The following PLEKHO2 variants were observed in gnomAD, a reference collection of about 807,000 sequenced individuals.
The protein encoded by PLEKHO2 is pleckstrin homology domain-containing family O member 2.
Under a neutral mutation model 32.7 loss-of-function variants are expected in PLEKHO2, and 20 were observed. The observed-to-expected ratio is 0.61, with a 90% confidence interval of 0.43 to 0.89. The LOEUF (loss-of-function observed/expected upper bound fraction) is 0.89. Ranked by LOEUF, PLEKHO2 falls within the 40% of genes least tolerant of loss-of-function variation. The pLI is 0.00. For missense variants in PLEKHO2, 568 were observed against 621.2 expected, an observed-to-expected ratio of 0.91 and a Z score of 0.91; for synonymous variants, 247 against 246.3, an observed-to-expected ratio of 1.00 and a Z score of -0.03.
chr15:64,862,447 A>G (rs1458335771), intron 5 of PLEKHO2, among the ~76,000 whole-genome samples: 1 of 150,424 alleles, frequency 6.6e-6, no homozygotes, highest in African/African-American at 2.5e-5. Context: ...GGAGACTGGG[A>G]GCATGGAGGC....
At chr15:64,842,390 C>G (rs61445702) in intron 1 of PLEKHO2, among the ~76,000 whole-genome samples, 99,024 of 145,316 alleles carry the variant, frequency 0.68, 34,112 homozygotes, top group East Asian at 0.93. Flanking sequence ...CTCTCTCTCT[C>G]TGTGTGTGTG....
At chr15:64,850,612 T>A (rs544570808) in intron 2 of PLEKHO2, among the ~76,000 whole-genome samples, 3 of 152,296 alleles carry the variant, frequency 2.0e-5, no homozygotes, top group African/African-American at 7.2e-5. Context: ...ACTTCTCATC[T>A]TTTCTTTCTC....
chr15:64,864,654 G>T (rs1206259216), intron 5 of PLEKHO2, among the ~76,000 whole-genome samples: 2 of 152,194 alleles, frequency 1.3e-5, no homozygotes, highest in Non-Finnish European at 2.9e-5. Context: ...CCCTGGCTGT[G>T]ACTTTCCTGG....
chr15:64,845,574 TGTG>T (rs2084516085), intron 1 of PLEKHO2, among the ~76,000 whole-genome samples: 1 of 152,188 alleles, frequency 6.6e-6, no homozygotes, highest in South Asian at 2.1e-4. Flanking sequence ...TGGCTGTTTC[TGTG>T]GCTGGGCTGT....
intron 2 of PLEKHO2, 57 bp downstream of exon 2, chr15:64,848,799 C>A (rs1383171459): frequency 2.5e-6 from 4 of 1,605,166 alleles, no homozygotes; most frequent in East Asian, 4.5e-5. Context: ...AAAGTGAGGG[C>A]ATTCAAGTTA....
chr15:64,846,022 C>T (rs2084519343), intron 1 of PLEKHO2, among the ~76,000 whole-genome samples: 1 of 152,166 alleles, frequency 6.6e-6, no homozygotes, highest in Admixed American at 6.5e-5. Context: ...TGGTGCTGTC[C>T]TTGCTGTTGC....
At chr15:64,846,186 A>T (rs1045238372) in intron 1 of PLEKHO2, among the ~76,000 whole-genome samples, 2 of 151,930 alleles carry the variant, frequency 1.3e-5, no homozygotes, top group Non-Finnish European at 2.9e-5. Context: ...GGGGAATGGG[A>T]GTTGAGTGCA....
chr15:64,857,376 C>T (rs1267769624), intron 3 of PLEKHO2, among the ~76,000 whole-genome samples: 1 of 152,170 alleles, frequency 6.6e-6, no homozygotes, highest in African/African-American at 2.4e-5. Context: ...CACTCTGTCA[C>T]CCAGGCTGGA....
rs1216747094 is a variant in PLEKHO2, at chr15:64,866,031, AAG to A, written c.*147_*148del. 5.4e-6 allele frequency: 6 copies of A among 1,102,832 alleles called. No homozygotes were observed. In the East Asian group the frequency reaches 1.6e-4, roughly 28 times the overall value. The allele number at this position is 1,102,832 out of a possible 1,614,324, so 68.3% of individuals were successfully genotyped here. A position where few individuals can be genotyped will look rare whatever the true frequency, so the allele number is the denominator to read the frequency against. Reference sequence around the variant, plus strand: ...CATGTCAGGGTTTGGCCATGACCCGAAGAGACTCCTGGCGTCCTTCCTACTCT... The same window carrying A: ...CATGTCAGGGTTTGGCCATGACCCGAAGACTCCTGGCGTCCTTCCTACTCT... On this transcript the variant is annotated 3_prime_UTR_variant, in exon 6 of 6. Transcript: ENST00000323544.
intron 1 of PLEKHO2, among the ~76,000 whole-genome samples, chr15:64,846,853 A>C (rs1403676163): frequency 6.6e-6 from 1 of 152,216 alleles, no homozygotes; most frequent in Admixed American, 6.5e-5. Flanking sequence ...GCCGTTTACT[A>C]GGTTTAGGGC....
chr15:64,847,511 C>A (rs560583820), intron 1 of PLEKHO2, among the ~76,000 whole-genome samples: 3 of 152,090 alleles, frequency 2.0e-5, no homozygotes, highest in Non-Finnish European at 4.4e-5. Context: ...TTTTTATTTT[C>A]ATTTCACGCG....
At chr15:64,845,384 C>T (rs1378809100) in intron 1 of PLEKHO2, among the ~76,000 whole-genome samples, 1 of 151,786 alleles carries the variant, frequency 6.6e-6, no homozygotes, top group South Asian at 2.1e-4. Flanking sequence ...GAGAGGAGGC[C>T]GAGAAACTGG....
intron 5 of PLEKHO2, among the ~76,000 whole-genome samples, chr15:64,864,009 C>T (rs947888131): frequency 1.3e-5 from 2 of 152,146 alleles, no homozygotes; most frequent in South Asian, 2.1e-4. Flanking sequence ...TCCCAAAGTG[C>T]TGGGATTATA....
At chr15:64,855,639 T>C (rs2084601697) in intron 3 of PLEKHO2, among the ~76,000 whole-genome samples, 2 of 152,158 alleles carry the variant, frequency 1.3e-5, no homozygotes, top group South Asian at 4.1e-4. Flanking sequence ...CAGATGAAGT[T>C]TGCTGTTTGC....
At chr15:64,845,233 T>TTA (rs2084514064) in intron 1 of PLEKHO2, among the ~76,000 whole-genome samples, 2 of 149,868 alleles carry the variant, frequency 1.3e-5, no homozygotes, top group South Asian at 2.1e-4. Flanking sequence ...TTTTTTTTTT[T>TTA]AATGAGTGAT....
rs768596233 is a variant in PLEKHO2 at position 64,848,598 on chromosome 15, G to A, written c.18G>A (p.Val6=). The A allele has an allele frequency of 1.2e-6, 2 of 1,614,184 alleles. No homozygotes were observed. The highest frequency in any genetic ancestry group is 8.5e-7 in the Non-Finnish European group (1 of 1,180,034). MEEEG[V]KEAGEKPRGA... is the part of the protein sequence containing the mutation. Reference sequence around the variant, plus strand: ...GAACTGGTGCTGTGTTACAGGGTGTGAAGGAAGCCGGTGAGAAGCCTCGGG... The same window carrying A: ...GAACTGGTGCTGTGTTACAGGGTGTAAAGGAAGCCGGTGAGAAGCCTCGGG... The change falls in exon 2 of 6, where the codon GTG becomes GTA. Residue 6 remains valine, a synonymous_variant. Transcript: ENST00000323544.
rs1450702027 is a variant in PLEKHO2 at position 64,855,013 on chromosome 15, C to T, written c.255C>T (p.Ile85=). The change falls in exon 3 of 6, where the codon ATC becomes ATT. Residue 85 remains isoleucine, a synonymous_variant. Coordinates refer to ENST00000323544, the MANE Select transcript of PLEKHO2 (RefSeq NM_025201.5). ...TCCTCAAGCGAAAACACCGCTTTAT[C>T]CTGCTGCGATCCCCAGGGAACAAGG... ...RALLKRKHRF[I]LLRSPGNKVS... 10 of 1,591,688 alleles carry T rather than the reference C, an allele frequency of 6.3e-6. 1 individual carries two copies. The highest frequency in any genetic ancestry group is 8.6e-6 in the Non-Finnish European group (10 of 1,168,568).
At chr15:64,851,960 C>G (rs2084572723) in intron 2 of PLEKHO2, among the ~76,000 whole-genome samples, 1 of 152,084 alleles carries the variant, frequency 6.6e-6, no homozygotes, top group Non-Finnish European at 1.5e-5. Context: ...AGTTCTCAAT[C>G]TGGATAAGGC....
At chr15:64,862,908 C>T (rs1286687015) in intron 5 of PLEKHO2, among the ~76,000 whole-genome samples, 1 of 151,302 alleles carries the variant, frequency 6.6e-6, no homozygotes, top group East Asian at 1.9e-4. Context: ...GTTATATCTC[C>T]TAATGCTATC....
Sources: gnomAD v4.1 joint callset for allele counts (sites outside exome capture counted in the v4.1 genomes callset) on GRCh38, gnomAD v4.1.1 for gene constraint, MANE v1.5 for transcripts, NCBI Gene and HGNC (gene_info 2026-07-23, HGNC 2026-07-21) for gene names.